Variants in MARK1 observed in about 807,000 individuals in gnomAD.
MARK1 encodes the protein microtubule affinity regulating kinase 1.
MARK1 carries 40 observed loss-of-function variants against 96.3 expected under a neutral mutation model. The observed-to-expected ratio is 0.42, with a 90% CI of 0.32 to 0.54. The LOEUF is 0.54. Among genes scored for constraint, MARK1 ranks in the 20% least tolerant of loss-of-function variants. The pLI, the probability that MARK1 is intolerant of heterozygous loss-of-function variation, is 0.16. For missense variants in MARK1, 719 were observed against 984.6 expected, an observed-to-expected ratio of 0.73 and a Z score of 3.61; for synonymous variants, 317 against 341.2, an observed-to-expected ratio of 0.93 and a Z score of 0.78.
At chr1:220,529,653 T>G (rs1660175101) in intron 1 of MARK1, among the ~76,000 whole-genome samples, 2 of 152,184 alleles carry the variant, frequency 1.3e-5, no homozygotes, top group African/African-American at 4.8e-5. Flanking sequence ...AAGGAGGGAT[T>G]TTCTGTGTCT....
chr1:220,657,679 T>A, intron 16 of MARK1, 111 bp from the exon 17 acceptor site: 1 of 677,020 alleles, frequency 1.5e-6, no homozygotes, highest in Non-Finnish European at 2.4e-6. Context: ...TAGAAAACTG[T>A]CATGGTAGAA....
chr1:220,586,521 GT>G (rs1260433153), intron 3 of MARK1, among the ~76,000 whole-genome samples: 2 of 152,054 alleles, frequency 1.3e-5, no homozygotes, highest in Non-Finnish European at 2.9e-5. Flanking sequence ...ATTTGTTTTG[GT>G]TTTGGTAGTC....
chr1:220,635,670 C>T (rs186120657), intron 12 of MARK1, 141 bp downstream of exon 12: 57 of 1,167,644 alleles, frequency 4.9e-5, no homozygotes, highest in Non-Finnish European at 6.4e-5. Context: ...TAAATATAAT[C>T]CCTTTTGCAG....
At chr1:220,609,602 G>A (rs755572509) in intron 6 of MARK1, among the ~76,000 whole-genome samples, 3 of 152,140 alleles carry the variant, frequency 2.0e-5, no homozygotes, top group Non-Finnish European at 4.4e-5. Context: ...TCATTACAAC[G>A]TTTGCTGGTT....
chr1:220,626,626 A>G, intron 9 of MARK1: 1 of 359,562 alleles, frequency 2.8e-6, no homozygotes, highest in South Asian at 2.2e-5. Flanking sequence ...GTTTGACACC[A>G]GCCTGGCCAA....
chr1:220,590,120 C>G (rs1664887849), intron 3 of MARK1, among the ~76,000 whole-genome samples: 1 of 152,198 alleles, frequency 6.6e-6, no homozygotes, highest in Non-Finnish European at 1.5e-5. Flanking sequence ...GCAGAAAACT[C>G]TGCCATTAGC....
At chr1:220,624,564 A>C (rs1572193395) in intron 9 of MARK1, among the ~76,000 whole-genome samples, 1 of 150,466 alleles carries the variant, frequency 6.6e-6, no homozygotes, top group South Asian at 2.1e-4. Context: ...GTGCCACTGC[A>C]CTCCAGCCTG....
chr1:220,579,175 A>C (rs1165264120), intron 1 of MARK1, among the ~76,000 whole-genome samples, 179 bp from the exon 2 acceptor site: 4 of 152,064 alleles, frequency 2.6e-5, no homozygotes, highest in Admixed American at 6.6e-5. Flanking sequence ...ATTATACTCT[A>C]CCTGGTAAAG....
intron 1 of MARK1, among the ~76,000 whole-genome samples, chr1:220,551,231 G>A (rs1240567024): frequency 6.6e-6 from 1 of 152,218 alleles, no homozygotes; most frequent in African/African-American, 2.4e-5. Flanking sequence ...AGACATGCCA[G>A]CAACATCAGC....
chr1:220,599,596 TTGG>T (rs1665604220), intron 4 of MARK1, among the ~76,000 whole-genome samples, 199 bp from the exon 5 acceptor site: 1 of 152,062 alleles, frequency 6.6e-6, no homozygotes, highest in African/African-American at 2.4e-5. Context: ...ACTCAAGAAG[TTGG>T]TTCTAAATCA....
chr1:220,536,996 G>A (rs1186446740), intron 1 of MARK1, among the ~76,000 whole-genome samples: 1 of 149,854 alleles, frequency 6.7e-6, no homozygotes, highest in South Asian at 2.1e-4. Context: ...TTTTTTTTCA[G>A]TTTTTAAGTT....
At chr1:220,599,952 AGTGT>A in intron 5 of MARK1, 89 bp downstream of exon 5, 1 of 736,306 alleles carries the variant, frequency 1.4e-6, no homozygotes, top group Non-Finnish European at 2.1e-6. Flanking sequence ...TTATGTCTTC[AGTGT>A]TAATGAATCT....
At chr1:220,550,248 G>A (rs994600748) in intron 1 of MARK1, among the ~76,000 whole-genome samples, 1 of 152,118 alleles carries the variant, frequency 6.6e-6, no homozygotes, top group East Asian at 1.9e-4. Context: ...TGTGTATGCT[G>A]GAATATAGTA....
chr1:220,645,749 C>T (rs1237197755), intron 13 of MARK1, among the ~76,000 whole-genome samples: 1 of 152,176 alleles, frequency 6.6e-6, no homozygotes, highest in Non-Finnish European at 1.5e-5. Context: ...GCTGGTTCAA[C>T]ATACGTGAAT....
chr1:220,568,186 C>A (rs2102800020), intron 1 of MARK1, among the ~76,000 whole-genome samples: 1 of 152,136 alleles, frequency 6.6e-6, no homozygotes, highest in South Asian at 2.1e-4. Context: ...CAATAAATAT[C>A]TTTGTTCTTA....
rs952969304 is a variant in MARK1 at position 220,528,613 on chromosome 1, G to A, written c.-210G>A. On this transcript the variant is annotated 5_prime_UTR_variant, in exon 1 of 18. Transcript: ENST00000366917. ...GTTACTGTCCGCATACCCCGGCGGC[G>A]CCGCCGCGGGAAGCGGCTCCCCCTC... The A allele has an allele frequency of 8.2e-6, 4 of 490,368 alleles. No homozygotes were observed. Among genetic ancestry groups the A allele is most frequent in the South Asian group, 3.1e-5 (1 of 31,900 alleles). The allele number at this position is 490,368 out of a possible 1,614,324, so 30.4% of individuals were successfully genotyped here.
chr1:220,586,367 C>T (rs961297266), intron 3 of MARK1, among the ~76,000 whole-genome samples: 1 of 152,160 alleles, frequency 6.6e-6, no homozygotes, highest in Admixed American at 6.5e-5. Context: ...CTTAATTAGT[C>T]CTTACTCATT....
intron 3 of MARK1, among the ~76,000 whole-genome samples, chr1:220,585,426 T>C (rs1386411010): frequency 6.6e-6 from 1 of 152,206 alleles, no homozygotes; most frequent in East Asian, 1.9e-4. Flanking sequence ...GTTTAAATGT[T>C]GAGGATGTGA....
chr1:220,576,906 T>C (rs1663891290), intron 1 of MARK1, among the ~76,000 whole-genome samples: 1 of 152,092 alleles, frequency 6.6e-6, no homozygotes, highest in Non-Finnish European at 1.5e-5. Context: ...AAAAGAGGAA[T>C]AATCATCTCT....
Sources: gnomAD v4.1 joint callset for allele counts (sites outside exome capture counted in the v4.1 genomes callset) on GRCh38, gnomAD v4.1.1 for gene constraint, MANE v1.5 for transcripts, NCBI Gene and HGNC (gene_info 2026-07-23, HGNC 2026-07-21) for gene names.